The following FMO3 variants were observed in gnomAD, a reference collection of about 807,000 sequenced individuals.
FMO3 encodes the protein flavin-containing monooxygenase 3.
Under a neutral mutation model 39.4 loss-of-function variants are expected in FMO3, and 40 were observed. The ratio of observed to expected loss-of-function variants is 1.02; its 90% confidence interval spans 0.79 to 1.32. FMO3 has a LOEUF of 1.32. Ranked by LOEUF, FMO3 falls within the 40% of genes most tolerant of loss-of-function variation. The pLI is 0.00. For synonymous variants in FMO3, 219 were observed against 228.8 expected (o/e 0.96, Z 0.39); for missense variants, 680 against 651.8 (o/e 1.04, Z -0.47).
At chr1:171,097,375 CACAA>C (rs1557935258) in intron 2 of FMO3, among the ~76,000 whole-genome samples, 1 of 104,624 alleles carries the variant, frequency 9.6e-6, no homozygotes, top group Non-Finnish European at 1.8e-5. Context: ...CACTGACTTC[CACAA>C]TGGTTGAACT....
At position 171,096,437 on chromosome 1, in the gene FMO3, ATATTT is replaced by A. The variant is rs1308689802; in HGVS notation, c.132+3651_132+3655del. Among the ~76,000 whole-genome samples the A allele has an allele frequency of 3.9e-4, 41 of 104,532 alleles. 2 individuals carry two copies. Among genetic ancestry groups the A allele is most frequent in the East Asian group, 6.5e-4 (2 of 3,100 alleles). The allele number at this position is 104,532 out of a possible 152,430, so 68.6% of individuals were successfully genotyped here. ...ATATGTTATATATAATATATATTAC[ATATTT>A]TATATATTAAATATATATTAAATAC... On this transcript the variant is annotated intron_variant, in intron 2 of 8. Coordinates refer to ENST00000367755, the MANE Select transcript of FMO3 (RefSeq NM_001002294.3).
At chr1:171,091,893 G>A (rs28363522) in intron 1 of FMO3, among the ~76,000 whole-genome samples, 2,938 of 104,526 alleles carry the variant, frequency 0.028, 81 homozygotes, top group African/African-American at 0.11. Flanking sequence ...TACAGATTGC[G>A]TGTGTGTGTG....
At chr1:171,097,303 C>T (rs1383992572) in intron 2 of FMO3, among the ~76,000 whole-genome samples, 3 of 118,010 alleles carry the variant, frequency 2.5e-5, no homozygotes, top group African/African-American at 1.2e-4. Flanking sequence ...TGGGTATATA[C>T]CCAGTAATGG....
intron 2 of FMO3, among the ~76,000 whole-genome samples, chr1:171,102,206 T>C (rs1025720121): frequency 5.3e-5 from 8 of 152,180 alleles, no homozygotes; most frequent in Non-Finnish European, 1.0e-4. Context: ...GATTGTAATA[T>C]TCCAATATTA....
At chr1:171,096,016 T>TATATTAA (rs1431040753) in intron 2 of FMO3, among the ~76,000 whole-genome samples, 2 of 47,534 alleles carry the variant, frequency 4.2e-5, no homozygotes, top group Non-Finnish European at 7.2e-5. Flanking sequence ...AATATACATA[T>TATATTAA]TATATATTAA....
intron 2 of FMO3, among the ~76,000 whole-genome samples, chr1:171,095,895 A>G (rs1385653733): frequency 5.4e-5 from 3 of 55,128 alleles, no homozygotes; most frequent in Non-Finnish European, 6.1e-5. Context: ...TATTATATAT[A>G]ATTATAATAT....
Position 171,108,123 on chromosome 1 carries a change from A to G in FMO3, c.529A>G (p.Lys177Glu). 6.2e-7 allele frequency: 1 copy of G among 1,613,894 alleles called. No individual in the cohort carries two copies. The highest frequency in any genetic ancestry group is 1.3e-5 in the African/African-American group (1 of 75,012). ...CAAATGCTTCCACAGCAGGGACTATAAAGAACCAGGTGTATTCAATGGAAA... is the reference window on the plus strand; with the variant it reads ...CAAATGCTTCCACAGCAGGGACTATGAAGAACCAGGTGTATTCAATGGAAA... ...KGKCFHSRDY[K>E]EPGVFNGKRV... Residue 177 changes from lysine (K) to glutamate (E), a missense_variant, in exon 5 of 9, where the codon AAA (lysine) becomes GAA (glutamate). Physicochemically the swap from Lys to Glu is moderately conservative, Grantham distance 56. Transcript: ENST00000367755.
At chr1:171,096,160 A>G (rs1327958133) in intron 2 of FMO3, among the ~76,000 whole-genome samples, 1 of 69,782 alleles carries the variant, frequency 1.4e-5, no homozygotes, top group Admixed American at 2.8e-4. Flanking sequence ...TGAATATATA[A>G]TATATATAAT....
chr1:171,098,707 T>G (rs1655220262), intron 2 of FMO3, among the ~76,000 whole-genome samples: 1 of 152,186 alleles, frequency 6.6e-6, no homozygotes. Context: ...CGATGGGGTT[T>G]TCTAGATATA....
intron 2 of FMO3, among the ~76,000 whole-genome samples, chr1:171,098,229 C>T (rs1655195173): frequency 2.6e-5 from 4 of 152,158 alleles, no homozygotes; most frequent in Admixed American, 6.6e-5. Flanking sequence ...TAGTGTGATG[C>T]CTCCAGCTTT....
intron 6 of FMO3, among the ~76,000 whole-genome samples, chr1:171,111,344 C>CTCCATTTTAGAGATGAGATAACAT (rs1655900160): frequency 6.6e-6 from 1 of 151,836 alleles, no homozygotes; most frequent in South Asian, 2.1e-4. Context: ...GAGAGCTCTA[C>CTCCATTTTAGAGATGAGATAACAT]TAGTATCTCC....
chr1:171,094,425 C>T (rs953597118), intron 2 of FMO3, among the ~76,000 whole-genome samples: 1 of 152,028 alleles, frequency 6.6e-6, no homozygotes, highest in East Asian at 1.9e-4. Context: ...AGTCTGTTCA[C>T]TCTGTTAATT....
At chr1:171,108,862 G>T (rs927467522) in intron 5 of FMO3, among the ~76,000 whole-genome samples, 3 of 152,070 alleles carry the variant, frequency 2.0e-5, no homozygotes, top group African/African-American at 7.2e-5. Context: ...TCCAAAACTG[G>T]ATGCTTCACA....
rs1656155108 is a variant in FMO3, at chr1:171,116,386, G to A, written c.1256+106G>A. On this transcript the variant is annotated intron_variant, in intron 8 of 8. Coordinates refer to ENST00000367755, the MANE Select transcript of FMO3 (RefSeq NM_001002294.3). ...TTAAATTATCCTGAATGACATCATT[G>A]GAATGACAACTACAAGCTATATTCA... 8 of 670,404 alleles carry A rather than the reference G, an allele frequency of 1.2e-5. 1 individual carries two copies. The highest frequency in any genetic ancestry group is 1.1e-4 in the South Asian group (6 of 52,572). 41.5% of individuals were successfully genotyped at this position (670,404 alleles called of 1,614,324 possible). A position where few individuals can be genotyped will look rare whatever the true frequency, so the allele number is the denominator to read the frequency against.
At chr1:171,100,519 A>G (rs1414794391) in intron 2 of FMO3, 1 of 152,240 alleles carries the variant, frequency 6.6e-6, no homozygotes, top group African/African-American at 2.4e-5. Context: ...GAAGAAGATA[A>G]CTTGTTTTCT....
At chr1:171,097,931 C>T (rs529065409) in intron 2 of FMO3, among the ~76,000 whole-genome samples, 60 of 152,270 alleles carry the variant, frequency 3.9e-4, no homozygotes, top group African/African-American at 1.4e-3. Flanking sequence ...TTAGGTCTAA[C>T]ATTTAAGTCT....
chr1:171,101,515 G>C (rs939002193), intron 2 of FMO3, among the ~76,000 whole-genome samples: 2 of 152,064 alleles, frequency 1.3e-5, no homozygotes, highest in South Asian at 4.1e-4. Flanking sequence ...CTTCCCTTTG[G>C]TTTCTAACAT....
chr1:171,117,719 T>A lies in FMO3; in HGVS notation c.*277T>A. The A allele has an allele frequency of 3.2e-6, 1 of 307,864 alleles. No individual in the cohort carries two copies. The highest frequency in any genetic ancestry group is 4.5e-5 in the Admixed American group (1 of 22,198). The allele number at this position is 307,864 out of a possible 1,614,324, so 19.1% of individuals were successfully genotyped here. ...GTTCTTTATATCTAACTTAAATCATTTCCTGAAACATTTTGACATGATTCC... is the reference window on the plus strand; with the variant it reads ...GTTCTTTATATCTAACTTAAATCATATCCTGAAACATTTTGACATGATTCC... On this transcript the variant is annotated 3_prime_UTR_variant, in exon 9 of 9. Transcript: ENST00000367755.
At chr1:171,095,866 T>G (rs1456686370) in intron 2 of FMO3, among the ~76,000 whole-genome samples, 4 of 109,400 alleles carry the variant, frequency 3.7e-5, no homozygotes, top group Non-Finnish European at 7.0e-5. Context: ...ATAATATAAA[T>G]ATATATAAAA....
Sources: allele counts gnomAD v4.1 joint callset (sites outside exome capture counted in the v4.1 genomes callset), GRCh38; gene constraint gnomAD v4.1.1; transcripts MANE v1.5; gene names NCBI Gene and HGNC (gene_info 2026-07-23, HGNC 2026-07-21).